MREG: variants seen among roughly 807,000 people sequenced by gnomAD.
The protein encoded by MREG is dilute suppressor protein homolog.
In MREG, 31 loss-of-function variants were observed where a neutral mutation model predicts 28.5. The observed-to-expected ratio is 1.09, with a 90% CI of 0.82 to 1.47. MREG has a LOEUF of 1.47. Ranked by LOEUF, MREG falls within the 40% of genes most tolerant of loss-of-function variation. The probability of loss-of-function intolerance (pLI) is 0.00; values close to 1 mark genes in which losing one functional copy is unlikely to be tolerated. For missense variants in MREG, 256 were observed against 257.4 expected (o/e 0.99, Z 0.04); for synonymous variants, 106 against 95.2 (o/e 1.11, Z -0.66).
intron 1 of MREG, among the ~76,000 whole-genome samples, chr2:216,004,393 G>A (rs1694097396): frequency 6.6e-6 from 1 of 152,090 alleles, no homozygotes; most frequent in Admixed American, 6.5e-5. Flanking sequence ...ACGAGGACAG[G>A]GATCTGTATC....
intron 1 of MREG, among the ~76,000 whole-genome samples, chr2:215,998,710 T>C (rs1693937195): frequency 6.6e-6 from 1 of 152,244 alleles, no homozygotes; most frequent in African/African-American, 2.4e-5. Flanking sequence ...AAATGATGCC[T>C]TTGGGCCCTG....
Position 215,985,573 on chromosome 2 carries a change from G to C in MREG, c.255+10733C>G, listed in dbSNP as rs112359607. Among the ~76,000 whole-genome samples, 466 of 152,086 alleles carry C rather than the reference G, an allele frequency of 3.1e-3. 1 individual carries two copies. Among genetic ancestry groups the C allele is most frequent in the African/African-American group, 0.01 (432 of 41,466 alleles). On this transcript the variant is annotated intron_variant, in intron 2 of 4. Coordinates refer to ENST00000263268, the MANE Select transcript of MREG (RefSeq NM_018000.3). ...CAAATGACTTTAAGCTAATGCCTTT[G>C]TTTCATTATTTGCTCTTCTATATAT...
intron 1 of MREG, among the ~76,000 whole-genome samples, chr2:216,027,731 C>T (rs1198416575): frequency 4.6e-5 from 7 of 151,976 alleles, no homozygotes; most frequent in African/African-American, 1.2e-4. Context: ...GACACTAGGA[C>T]CTTGAAAGAA....
chr2:216,007,532 T>C (rs1694191846), intron 1 of MREG, among the ~76,000 whole-genome samples: 1 of 151,884 alleles, frequency 6.6e-6, no homozygotes, highest in African/African-American at 2.4e-5. Flanking sequence ...CAGATTCGAG[T>C]GATTCTCCTG....
At chr2:215,971,831 G>C (rs1693106198) in intron 2 of MREG, among the ~76,000 whole-genome samples, 1 of 152,204 alleles carries the variant, frequency 6.6e-6, no homozygotes, top group Admixed American at 6.5e-5. Context: ...CAGAGGAACA[G>C]GTAGAGTGAG....
At chr2:215,941,222 A>C (rs1295170903), downstream of MREG, among the ~76,000 whole-genome samples, 2 of 152,200 alleles carry the variant, frequency 1.3e-5, no homozygotes, top group African/African-American at 4.8e-5. Flanking sequence ...TCAACTCCCA[A>C]GTATGTTCAG....
chr2:215,945,680 C>T lies in MREG; in HGVS notation c.401G>A (p.Ser134Asn), dbSNP rs780683542. 3 of 1,613,926 alleles carry T rather than the reference C, an allele frequency of 1.9e-6. No individual in the cohort carries two copies. The Admixed American group carries it at 5.0e-5, about 27-fold the overall frequency. The change falls in exon 4 of 5, where the codon AGT becomes AAT. Residue 134 changes from serine (S) to asparagine (N), a missense_variant. Coordinates refer to ENST00000263268, the MANE Select transcript of MREG (RefSeq NM_018000.3). ...AGCTTTCCTTGTGTTTTTAGAATCACTGATGGTGCTGAGTTTAGTCACTGA... is the reference window on the plus strand; with the variant it reads ...AGCTTTCCTTGTGTTTTTAGAATCATTGATGGTGCTGAGTTTAGTCACTGA... ...LLSVTKLSTI[S>N]DSKNTRKARE...
Position 215,996,352 on chromosome 2 carries a change from A to T in MREG, c.209T>A (p.Leu70Gln), listed in dbSNP as rs373470737. Residue 70 changes from leucine to glutamine, a missense_variant, in exon 2 of 5, where the codon CTG becomes CAG. By Grantham distance (113) the Leu-to-Gln change is moderately radical. Coordinates refer to ENST00000263268, the MANE Select transcript of MREG (RefSeq NM_018000.3). ...ATTACGAATGACTATCAAATTGTAC[A>T]GGGTTCTGTCGTCGTCTGCCTCTGT... ...SHTEADDDRT[L>Q]YNLIVIRNQQ... The T allele has an allele frequency of 6.2e-7, 1 of 1,613,998 alleles. No homozygotes were observed. The highest frequency in any genetic ancestry group is 8.5e-7 in the Non-Finnish European group (1 of 1,179,888).
At chr2:216,021,329 C>G (rs1694517254) in intron 1 of MREG, among the ~76,000 whole-genome samples, 1 of 152,122 alleles carries the variant, frequency 6.6e-6, no homozygotes, top group Non-Finnish European at 1.5e-5. Flanking sequence ...TTGGGGTTAT[C>G]CACCCGCCTC....
rs1692277921 is a variant in MREG, at chr2:215,944,790, A to G, written c.*73T>C. 1.4e-6 allele frequency: 2 copies of G among 1,440,582 alleles called. No individual in the cohort carries two copies. The highest frequency in any genetic ancestry group is 9.4e-7 in the Non-Finnish European group (1 of 1,059,928). The allele number at this position is 1,440,582 out of a possible 1,614,324, so 89.2% of individuals were successfully genotyped here. A position where few individuals can be genotyped will look rare whatever the true frequency, so the allele number is the denominator to read the frequency against. ...ACTCTATTTGCTCACTCTCTTCTAC[A>G]TGTAATTGTCCAACTTTGGTTGACT... On this transcript the variant is annotated 3_prime_UTR_variant, in exon 5 of 5. Transcript: ENST00000263268.
intron 2 of MREG, among the ~76,000 whole-genome samples, chr2:215,972,460 T>G (rs181486450): frequency 6.6e-6 from 1 of 152,148 alleles, no homozygotes; most frequent in Non-Finnish European, 1.5e-5. Context: ...CTAGCCAACA[T>G]GGTGAAAACC....
chr2:215,945,533 A>G (rs767889858), intron 4 of MREG, 38 bp downstream of exon 4: 2 of 1,595,706 alleles, frequency 1.3e-6, no homozygotes, highest in East Asian at 4.5e-5. Context: ...AAGCAATTAA[A>G]GCAAAATTAG....
chr2:215,951,491 TTTTA>T (rs1252471561), intron 2 of MREG, among the ~76,000 whole-genome samples: 1 of 152,240 alleles, frequency 6.6e-6, no homozygotes, highest in Non-Finnish European at 1.5e-5. Context: ...TAAAGTAATA[TTTTA>T]TTTGTTTTTC....
At chr2:215,978,787 T>A (rs1362646336) in intron 2 of MREG, among the ~76,000 whole-genome samples, 1 of 152,194 alleles carries the variant, frequency 6.6e-6, no homozygotes, top group Non-Finnish European at 1.5e-5. Context: ...AAAAACCACA[T>A]GATTATCTCA....
At position 215,944,943 on chromosome 2, in the gene MREG, T is replaced by C; in HGVS notation, c.565A>G (p.Thr189Ala). The C allele has an allele frequency of 6.2e-7, 1 of 1,608,262 alleles. No individual in the cohort carries two copies. The highest frequency in any genetic ancestry group is 1.1e-5 in the South Asian group (1 of 90,644). ...AEEFFKLARR[T>A]YPKKPGVPCL... ...GGAACCCCAGGCTTCTTGGGGTAAG[T>C]TCGACGAGCAAGCTTAAAGAACTCT... The change falls in exon 5 of 5, where the codon ACT (threonine) becomes GCT (alanine). Residue 189 changes from threonine to alanine, a missense_variant. Transcript: ENST00000263268.
chr2:215,978,813 G>A (rs549164614), intron 2 of MREG, among the ~76,000 whole-genome samples: 17 of 152,278 alleles, frequency 1.1e-4, no homozygotes, highest in Non-Finnish European at 1.6e-4. Context: ...TGCAGAAAAG[G>A]CCTTTGACAA....
chr2:215,940,698 G>T (rs1051542528), downstream of MREG, among the ~76,000 whole-genome samples: 2 of 152,160 alleles, frequency 1.3e-5, no homozygotes, highest in African/African-American at 4.8e-5. Flanking sequence ...AGATTGGCAT[G>T]AAAGAAGTCT....
intron 2 of MREG, among the ~76,000 whole-genome samples, chr2:215,987,527 T>G (rs12988015): frequency 0.28 from 42,438 of 151,970 alleles, 6,585 homozygotes; most frequent in East Asian, 0.4. Context: ...TTACAGGCGT[T>G]AGCCACCATA....
intron 2 of MREG, among the ~76,000 whole-genome samples, chr2:215,966,650 G>A (rs1359014017): frequency 7.0e-6 from 1 of 143,798 alleles, no homozygotes; most frequent in Non-Finnish European, 1.5e-5. Context: ...CATCCTGGCT[G>A]GAGTGCAGTG....
Sources: gnomAD v4.1 joint callset for allele counts (sites outside exome capture counted in the v4.1 genomes callset) on GRCh38, gnomAD v4.1.1 for gene constraint, MANE v1.5 for transcripts, NCBI Gene and HGNC (gene_info 2026-07-23, HGNC 2026-07-21) for gene names.